RDX: variants seen among roughly 807,000 people sequenced by gnomAD.
RDX encodes the protein radixin.
A neutral mutation model predicts 83.7 loss-of-function variants in RDX; 32 were observed. The ratio of observed to expected loss-of-function variants is 0.38; its 90% CI spans 0.29 to 0.51. RDX has a LOEUF of 0.51. Ranked by LOEUF, RDX falls within the 20% of genes least tolerant of loss-of-function variation. The pLI is 0.87. For missense variants in RDX, 600 were observed against 689.9 expected, an observed-to-expected ratio of 0.87 and a Z score of 1.46; for synonymous variants, 229 against 222.7, an observed-to-expected ratio of 1.03 and a Z score of -0.25.
intron 15 of RDX, among the ~76,000 whole-genome samples, chr11:110,193,447 T>G (rs1427919262): frequency 6.6e-6 from 1 of 152,112 alleles, no homozygotes; most frequent in Admixed American, 6.5e-5. Flanking sequence ...ACAGGATCAT[T>G]CATACCCCAA....
chr11:110,265,499 AATATATAT>A (rs5794684), intron 3 of RDX, among the ~76,000 whole-genome samples: 1 of 147,468 alleles, frequency 6.8e-6, no homozygotes, highest in African/African-American at 2.5e-5. Flanking sequence ...GAGTCTTGAA[AATATATAT>A]ATATATATAT....
intron 9 of RDX, among the ~76,000 whole-genome samples, chr11:110,249,992 G>A (rs897435238): frequency 6.6e-6 from 1 of 152,188 alleles, no homozygotes; most frequent in Non-Finnish European, 1.5e-5. Context: ...GGAAGAGCCA[G>A]TAACTATTCC....
At chr11:110,214,105 A>G (rs1863940369) in intron 14 of RDX, among the ~76,000 whole-genome samples, 1 of 144,966 alleles carries the variant, frequency 6.9e-6, no homozygotes, top group African/African-American at 2.6e-5. Flanking sequence ...ACAAAGGGCT[A>G]ATATCCAGAA....
At chr11:110,242,840 C>T (rs1020752750) in intron 10 of RDX, among the ~76,000 whole-genome samples, 1 of 151,506 alleles carries the variant, frequency 6.6e-6, no homozygotes, top group African/African-American at 2.4e-5. Context: ...CAAACTATGG[C>T]TCATGGAGCA....
chr11:110,206,849 G>C lies in RDX; in HGVS notation c.1749-7171C>G, dbSNP rs114097025. On this transcript the variant is annotated intron_variant, in intron 14 of 15. Transcript: ENST00000528498. The stretch of plus-strand genomic sequence containing the variant: ...TCAATAGTTACTCTAAGGACACTGA[G>C]TAAAAGAAGCAACTGTGTTATTTCC... Among the ~76,000 whole-genome samples the C allele has an allele frequency of 2.0e-3, 304 of 152,348 alleles. 1 individual carries two copies. The highest frequency in any genetic ancestry group is 7.0e-3 in the African/African-American group (291 of 41,584).
intron 14 of RDX, among the ~76,000 whole-genome samples, chr11:110,219,366 T>C (rs2134273060): frequency 6.6e-6 from 1 of 152,322 alleles, no homozygotes; most frequent in South Asian, 2.1e-4. Flanking sequence ...AAATGACCGC[T>C]GAAAAGAACA....
chr11:110,223,913 T>C lies in RDX; in HGVS notation c.1748+7960A>G, dbSNP rs571572884. Among the ~76,000 whole-genome samples the C allele has an allele frequency of 4.4e-4, 67 of 151,842 alleles. 1 individual carries two copies. Among genetic ancestry groups the C allele is most frequent in the Admixed American group, 2.9e-3 (45 of 15,256 alleles). On this transcript the variant is annotated intron_variant, in intron 14 of 15. Coordinates refer to the RDX transcript ENST00000528498. ...AATGGAGAAACCCCATCTCTACTAA[T>C]AGAAAAATCAGCCAGGCATGAGAAT...
intron 12 of RDX, among the ~76,000 whole-genome samples, chr11:110,234,409 T>C (rs2134304269): frequency 6.6e-6 from 1 of 152,330 alleles, no homozygotes; most frequent in East Asian, 1.9e-4. Flanking sequence ...TATGAGACTT[T>C]TTGGGAAATT....
At chr11:110,219,956 C>T (rs1212131081) in intron 14 of RDX, among the ~76,000 whole-genome samples, 2 of 152,134 alleles carry the variant, frequency 1.3e-5, no homozygotes, top group Non-Finnish European at 2.9e-5. Flanking sequence ...TGAGACTTGG[C>T]ACACTATAAT....
At chr11:110,257,491 C>T (rs549716797) in intron 7 of RDX, among the ~76,000 whole-genome samples, 1 of 152,034 alleles carries the variant, frequency 6.6e-6, no homozygotes, top group African/African-American at 2.4e-5. Flanking sequence ...AATTAAGTTA[C>T]TAGACATAAC....
intron 2 of RDX, among the ~76,000 whole-genome samples, chr11:110,273,858 ACT>A (rs1382833158): frequency 2.6e-5 from 4 of 152,092 alleles, no homozygotes; most frequent in South Asian, 2.1e-4. Flanking sequence ...TCCTACTAAC[ACT>A]GTTTCTGTAA....
At chr11:110,200,567 C>T (rs907086428) in intron 14 of RDX, among the ~76,000 whole-genome samples, 1 of 152,206 alleles carries the variant, frequency 6.6e-6, no homozygotes, top group Non-Finnish European at 1.5e-5. Flanking sequence ...AGTTATGAAC[C>T]AAAAGGGCAG....
intron 14 of RDX, among the ~76,000 whole-genome samples, chr11:110,202,595 CTTTTTTTTT>C (rs58793509): frequency 3.3e-5 from 4 of 121,304 alleles, no homozygotes; most frequent in African/African-American, 6.1e-5. Context: ...ATTTTTCTTT[CTTTTTTTTT>C]TTTTTTTTTG....
At chr11:110,263,066 G>C (rs1400986490) in intron 5 of RDX, among the ~76,000 whole-genome samples, 5 of 152,150 alleles carry the variant, frequency 3.3e-5, no homozygotes, top group African/African-American at 1.2e-4. Context: ...CTTGAGGTCA[G>C]GAGTTCGAGA....
intron 10 of RDX, among the ~76,000 whole-genome samples, chr11:110,242,725 T>C (rs1370611631): frequency 6.6e-6 from 1 of 152,210 alleles, no homozygotes; most frequent in Non-Finnish European, 1.5e-5. Flanking sequence ...AAACATCAGG[T>C]CTACTCCAGT....
intron 14 of RDX, among the ~76,000 whole-genome samples, chr11:110,217,538 G>C (rs143236901): frequency 1.3e-5 from 2 of 152,154 alleles, no homozygotes; most frequent in Non-Finnish European, 2.9e-5. Flanking sequence ...GGAGAGCAGC[G>C]CAAGATATAA....
At chr11:110,225,397 T>C (rs185409683), downstream of RDX, among the ~76,000 whole-genome samples, 59 of 152,240 alleles carry the variant, frequency 3.9e-4, no homozygotes, top group Middle Eastern at 0.01. Context: ...ATCCCAAATA[T>C]AAAGAATTCC....
chr11:110,286,828 A>C (rs73557612), intron 1 of RDX, among the ~76,000 whole-genome samples: 2,136 of 152,294 alleles, frequency 0.014, 44 homozygotes, highest in African/African-American at 0.049. Context: ...GAATCTACTA[A>C]AGAAGTTCTT....
intron 12 of RDX, among the ~76,000 whole-genome samples, chr11:110,235,333 A>G (rs1188895852): frequency 1.3e-5 from 2 of 152,128 alleles, no homozygotes; most frequent in East Asian, 1.9e-4. Flanking sequence ...GAGTAAGACC[A>G]TGTCTCTAAA....
Sources: gnomAD v4.1 joint callset for allele counts (sites outside exome capture counted in the v4.1 genomes callset) on GRCh38, gnomAD v4.1.1 for gene constraint, MANE v1.5 for transcripts, NCBI Gene and HGNC (gene_info 2026-07-23, HGNC 2026-07-21) for gene names.